SNTA1: variants seen among roughly 807,000 people sequenced by gnomAD.
SNTA1 encodes syntrophin alpha 1.
Under a neutral mutation model 47.1 loss-of-function variants are expected in SNTA1, and 31 were observed. The observed-to-expected ratio is 0.66, with a 90% CI of 0.49 to 0.89. The LOEUF (loss-of-function observed/expected upper bound fraction) is 0.89. SNTA1 is among the 40% of genes least tolerant of loss of function. SNTA1 has a pLI of 0.00. For synonymous variants in SNTA1, 300 were observed against 313.6 expected (o/e 0.96, Z 0.46); for missense variants, 575 against 693.0 (o/e 0.83, Z 1.91).
At position 33,408,586 on chromosome 20, in the gene SNTA1, T is replaced by C; in HGVS notation, c.1439A>G (p.His480Arg). 1 of 1,613,956 alleles carries C rather than the reference T, an allele frequency of 6.2e-7. No homozygotes were observed. The highest frequency in any genetic ancestry group is 8.5e-7 in the Non-Finnish European group (1 of 1,179,922). Residue 480 changes from histidine to arginine, a missense_variant, in exon 8 of 8, where the codon CAC (histidine) becomes CGC (arginine). His to Arg is a conservative substitution (Grantham distance 29). Coordinates refer to ENST00000217381, the MANE Select transcript of SNTA1 (RefSeq NM_003098.3). ...GAEGEIQLDL[H>R]SCPKTIVFII... ...GAAGACTATGGTTTTGGGACACGAG[T>C]GCAGGTCCAGCTGCTGGAGGGTGGA... is the stretch of plus-strand genomic sequence containing the variant.
intron 2 of SNTA1, among the ~76,000 whole-genome samples, chr20:33,419,933 C>CT (rs928424470): frequency 4.0e-5 from 6 of 151,020 alleles, no homozygotes; most frequent in Admixed American, 6.6e-5. Context: ...TTTTTTCTTT[C>CT]TTTTTTTTGT....
chr20:33,410,760 T>C (rs1328455905), intron 5 of SNTA1, among the ~76,000 whole-genome samples: 1 of 152,338 alleles, frequency 6.6e-6, no homozygotes, highest in South Asian at 2.1e-4. Context: ...CCAGAAATTA[T>C]ACTTTTTATT....
chr20:33,415,095 G>A (rs538158250), intron 3 of SNTA1, among the ~76,000 whole-genome samples: 11 of 151,234 alleles, frequency 7.3e-5, no homozygotes, highest in African/African-American at 2.7e-4. Context: ...TAGGTACTCA[G>A]GCATGTACAT....
rs56186098 is a variant in SNTA1, at chr20:33,414,245, C to CAAAAAAAAAA, written c.702-1473_702-1464dup. Reference sequence around the variant, plus strand: ...AAAAGCGAAACTCCGTCTCAAAAACCAAAAAAAAAAAAAAAAAAAAAAAAA... The same window carrying CAAAAAAAAAA: ...AAAAGCGAAACTCCGTCTCAAAAACCAAAAAAAAAAAAAAAAAAAAAAAAAAAAAAAAAAA... On this transcript the variant is annotated intron_variant, in intron 3 of 7. Coordinates refer to ENST00000217381, the MANE Select transcript of SNTA1 (RefSeq NM_003098.3). Among the ~76,000 whole-genome samples the CAAAAAAAAAA allele has an allele frequency of 2.7e-3, 79 of 29,196 alleles. 1 individual carries two copies. The highest frequency in any genetic ancestry group is 3.9e-3 in the Non-Finnish European group (51 of 12,944). The allele number at this position is 29,196 out of a possible 152,430, so 19.2% of individuals were successfully genotyped here. A position where few individuals can be genotyped will look rare whatever the true frequency, so the allele number is the denominator to read the frequency against.
At chr20:33,409,336 T>G (rs1989680491) in intron 6 of SNTA1, among the ~76,000 whole-genome samples, 1 of 152,290 alleles carries the variant, frequency 6.6e-6, no homozygotes, top group East Asian at 1.9e-4. Context: ...CTGGCAACCC[T>G]ACCCCAAGTG....
intron 1 of SNTA1, among the ~76,000 whole-genome samples, chr20:33,440,543 G>C (rs561769820): frequency 7.0e-4 from 107 of 152,310 alleles, no homozygotes; most frequent in African/African-American, 2.5e-3. Context: ...CTACTCAGGA[G>C]GCTGAGGCAG....
intron 2 of SNTA1, among the ~76,000 whole-genome samples, chr20:33,427,995 G>A (rs1455376432): frequency 5.3e-5 from 8 of 152,060 alleles, no homozygotes; most frequent in Non-Finnish European, 1.2e-4. Context: ...GTGCATCATA[G>A]TGCACTCCGG....
At chr20:33,424,221 G>A (rs1459161760) in intron 2 of SNTA1, among the ~76,000 whole-genome samples, 1 of 150,386 alleles carries the variant, frequency 6.6e-6, no homozygotes, top group African/African-American at 2.4e-5. Flanking sequence ...GGCTGAGGCA[G>A]GAGAGTGGCT....
At chr20:33,423,306 T>C (rs1431848071) in intron 2 of SNTA1, among the ~76,000 whole-genome samples, 1 of 152,082 alleles carries the variant, frequency 6.6e-6, no homozygotes, top group Non-Finnish European at 1.5e-5. Context: ...AGTGTGGCCA[T>C]AAATAGCCCA....
chr20:33,431,736 G>A lies in SNTA1; in HGVS notation c.496+7105C>T, dbSNP rs988336968. 5.3e-5 allele frequency among the ~76,000 whole-genome samples: 8 copies of A among 152,146 alleles called. 1 individual carries two copies. The South Asian group carries it at 1.4e-3, about 28-fold the overall frequency. On this transcript the variant is annotated intron_variant, in intron 2 of 7. Coordinates refer to ENST00000217381, the MANE Select transcript of SNTA1 (RefSeq NM_003098.3). ...TGTACTCCAGCCTGGGCAATGGAGCGAGACTCCATCTCAAAGAAAAAAACA... is the reference window on the plus strand; with the variant it reads ...TGTACTCCAGCCTGGGCAATGGAGCAAGACTCCATCTCAAAGAAAAAAACA...
intron 2 of SNTA1, among the ~76,000 whole-genome samples, chr20:33,419,312 C>T (rs1226657571): frequency 6.6e-6 from 1 of 152,120 alleles, no homozygotes; most frequent in Admixed American, 6.6e-5. Context: ...GAGTGGACAG[C>T]CCAGGAAGGA....
intron 1 of SNTA1, among the ~76,000 whole-genome samples, chr20:33,440,350 G>A (rs1600865532): frequency 1.3e-5 from 2 of 152,214 alleles, no homozygotes; most frequent in African/African-American, 4.8e-5. Context: ...CAGTTACTCG[G>A]GAGGCTGAGT....
intron 2 of SNTA1, among the ~76,000 whole-genome samples, chr20:33,422,091 C>T (rs922563937): frequency 1.3e-5 from 2 of 151,732 alleles, no homozygotes; most frequent in African/African-American, 4.8e-5. Flanking sequence ...CTTGCCCATA[C>T]TTCCTAGGTC....
rs1223000642 is a variant in SNTA1 at position 33,412,362 on chromosome 20, A to G, written c.974T>C (p.Leu325Ser). Residue 325 changes from leucine to serine, a missense_variant, in exon 5 of 8, where the codon TTG becomes TCG. Physicochemically the swap from Leu to Ser is moderately radical, Grantham distance 145. Coordinates refer to ENST00000217381, the MANE Select transcript of SNTA1 (RefSeq NM_003098.3). ...GGCCTCGCGGGTCTCGGGGAGAGAC[A>G]AGTAGAGGAGCAGTTCCTTTTCAGT... ...LLTEKELLLY[L>S]SLPETREALS... The G allele has an allele frequency of 6.2e-7, 1 of 1,611,778 alleles. No homozygotes were observed. Among genetic ancestry groups the G allele is most frequent in the Non-Finnish European group, 8.5e-7 (1 of 1,179,430 alleles).
chr20:33,410,746 G>C (rs1440874354), intron 5 of SNTA1, among the ~76,000 whole-genome samples: 1 of 152,106 alleles, frequency 6.6e-6, no homozygotes, highest in Admixed American at 6.5e-5. Context: ...TTTTAATCAT[G>C]GTACCAGAAA....
chr20:33,408,721 CA>C lies in SNTA1; in HGVS notation c.1404del (p.Phe468LeufsTer19), dbSNP rs777549527. ...CTCACGATCTCGCCTTCAGCACCTC[CA>C]AAATCCAGGAAAAGGAGACTGGCAC... is the stretch of plus-strand genomic sequence containing the variant. Reference protein sequence around the residue: ...DDGASLLFLDFGGAEGEIQLD... With the variant: ...DDGASLLFLDXGGAEGEIQLD... On this transcript the variant is annotated frameshift_variant, in exon 7 of 8. Coordinates refer to ENST00000217381, the MANE Select transcript of SNTA1 (RefSeq NM_003098.3). LOFTEE classifies it high-confidence loss of function. The C allele has an allele frequency of 6.2e-7, 1 of 1,614,120 alleles. No homozygotes were observed. The highest frequency in any genetic ancestry group is 1.1e-5 in the South Asian group (1 of 91,076).
intron 5 of SNTA1, among the ~76,000 whole-genome samples, chr20:33,411,200 G>A (rs936598398): frequency 1.3e-5 from 2 of 151,742 alleles, no homozygotes; most frequent in East Asian, 1.9e-4. Context: ...ACCCGCCTTC[G>A]ACTTTCCAGC....
In SNTA1 at chr20:33,408,941, C is replaced by T. The variant is rs1409567459; in HGVS notation, c.1238-53G>A. The T allele has an allele frequency of 3.4e-5, 51 of 1,512,638 alleles. 1 individual carries two copies. The highest frequency in any genetic ancestry group is 4.6e-5 in the Non-Finnish European group (50 of 1,089,472). The allele number at this position is 1,512,638 out of a possible 1,614,324, so 93.7% of individuals were successfully genotyped here. ...ACAGCTGGCACCTCAGAGACTACACCCCAACCTCCAACCCCCACCGCAGCT... is the reference window on the plus strand; with the variant it reads ...ACAGCTGGCACCTCAGAGACTACACTCCAACCTCCAACCCCCACCGCAGCT... On this transcript the variant is annotated intron_variant, in intron 6 of 7. Transcript: ENST00000217381.
chr20:33,433,257 G>T (rs941623567), intron 2 of SNTA1, among the ~76,000 whole-genome samples: 52 of 147,036 alleles, frequency 3.5e-4, no homozygotes, highest in African/African-American at 1.2e-3. Flanking sequence ...TTTTTGTCGG[G>T]TTTTTCTTTT....
Sources: gnomAD v4.1 joint callset for allele counts (sites outside exome capture counted in the v4.1 genomes callset) on GRCh38, gnomAD v4.1.1 for gene constraint, MANE v1.5 for transcripts, NCBI Gene and HGNC (gene_info 2026-07-23, HGNC 2026-07-21) for gene names.